EREG: variants seen among roughly 807,000 people sequenced by gnomAD.
EREG encodes epiregulin, also known as proepiregulin.
EREG carries 23 observed loss-of-function variants against 22.4 expected under a neutral mutation model. The ratio of observed to expected loss-of-function variants is 1.03; its 90% CI spans 0.74 to 1.46. The LOEUF (loss-of-function observed/expected upper bound fraction) is 1.46, where lower values mean the gene tolerates loss of function less well. Ranked by LOEUF, EREG falls within the 40% of genes most tolerant of loss-of-function variation. EREG has a pLI of 0.00. For synonymous variants in EREG, 100 were observed against 75.4 expected, an observed-to-expected ratio of 1.33 and a Z score of -1.69; for missense variants, 226 against 205.9, an observed-to-expected ratio of 1.10 and a Z score of -0.60.
chr4:74,370,626 T>A (rs10004189), intron 1 of EREG, among the ~76,000 whole-genome samples: 123,815 of 149,684 alleles, frequency 0.83, 51,369 homozygotes, highest in African/African-American at 0.87. Context: ...TGTGTGTGTG[T>A]GAGAGAGAGA....
intron 1 of EREG, among the ~76,000 whole-genome samples, chr4:74,378,627 G>C (rs1367291919): frequency 6.6e-6 from 1 of 152,138 alleles, no homozygotes; most frequent in African/African-American, 2.4e-5. Context: ...AAATTGGAAA[G>C]AGTGTTTGAA....
chr4:74,381,133 T>C lies in EREG; in HGVS notation c.274T>C (p.Cys92Arg), dbSNP rs767878864. ...TCTGGTGGACATGAGTCAAAACTAC[T>C]GCAGGTAATATGTCAGAAATAAACA... Reference protein sequence around the residue: ...IYLVDMSQNYCRCEVGYTGVR... With the variant: ...IYLVDMSQNYRRCEVGYTGVR... Residue 92 changes from cysteine (C) to arginine (R), a missense_variant, in exon 3 of 5, where the codon TGC becomes CGC. Coordinates refer to ENST00000244869, the MANE Select transcript of EREG (RefSeq NM_001432.3). The C allele has an allele frequency of 6.2e-7, 1 of 1,610,892 alleles. No individual in the cohort carries two copies.
Position 74,373,009 on chromosome 4 carries a change from G to A in EREG, c.68-6439G>A, listed in dbSNP as rs1027982026. Among the ~76,000 whole-genome samples, 37 of 97,146 alleles carry A rather than the reference G, an allele frequency of 3.8e-4. 1 individual carries two copies. The highest frequency in any genetic ancestry group is 2.8e-3 in the Admixed American group (24 of 8,720). The allele number at this position is 97,146 out of a possible 152,430, so 63.7% of individuals were successfully genotyped here. A position where few individuals can be genotyped will look rare whatever the true frequency, so the allele number is the denominator to read the frequency against. Reference sequence around the variant, plus strand: ...TTTTTTTTTTTTTTTTGGTATTTTGGTTTCACCATGTTGGCCAGGATGGTC... The same window carrying A: ...TTTTTTTTTTTTTTTTGGTATTTTGATTTCACCATGTTGGCCAGGATGGTC... On this transcript the variant is annotated intron_variant, in intron 1 of 4. Coordinates refer to ENST00000244869, the MANE Select transcript of EREG (RefSeq NM_001432.3).
chr4:74,383,009 CTGT>C (rs1002847153), intron 4 of EREG, among the ~76,000 whole-genome samples: 49 of 152,286 alleles, frequency 3.2e-4, no homozygotes, highest in African/African-American at 1.2e-3. Context: ...ACAATATATC[CTGT>C]TAAGAAACCT....
chr4:74,373,859 T>G (rs1400743078), intron 1 of EREG, among the ~76,000 whole-genome samples: 1 of 152,078 alleles, frequency 6.6e-6, no homozygotes, highest in Admixed American at 6.6e-5. Context: ...GTTTTAGAGT[T>G]ATTTTGACCA....
chr4:74,382,014 T>C (rs1317245238), intron 3 of EREG: 1 of 60,160 alleles, frequency 1.7e-5, no homozygotes, highest in Non-Finnish European at 3.6e-5. Context: ...AAAAAAAGAA[T>C]TGATTCCAGG....
intron 3 of EREG, 82 bp from the exon 4 acceptor site, chr4:74,382,563 T>A: frequency 3.6e-6 from 4 of 1,104,918 alleles, no homozygotes; most frequent in Non-Finnish European, 5.2e-6. Flanking sequence ...TACAGTGTGA[T>A]GTTAGTCCTT....
In EREG at chr4:74,388,277, C is replaced by G. The variant is rs1464720225; in HGVS notation, c.*3469C>G. ...TAATTTGATGCCCAATATATTCTGA[C>G]CGTTAAAAAATTCTTGTTCATATGG... On this transcript the variant is annotated 3_prime_UTR_variant, in exon 5 of 5. Coordinates refer to ENST00000244869, the MANE Select transcript of EREG (RefSeq NM_001432.3). 6.6e-6 allele frequency: 1 copy of G among 151,988 alleles called. No homozygotes were observed. Among genetic ancestry groups the G allele is most frequent in the East Asian group, 1.9e-4 (1 of 5,198 alleles). 9.4% of individuals were successfully genotyped at this position (151,988 alleles called of 1,614,324 possible).
chr4:74,375,638 A>C (rs1752369312), intron 1 of EREG, among the ~76,000 whole-genome samples: 1 of 152,026 alleles, frequency 6.6e-6, no homozygotes, highest in Admixed American at 6.5e-5. Flanking sequence ...CTGACCAGCG[A>C]TTCTTAAGGT....
chr4:74,380,347 A>G (rs1191497035), intron 2 of EREG, among the ~76,000 whole-genome samples: 2 of 151,954 alleles, frequency 1.3e-5, no homozygotes, highest in African/African-American at 4.8e-5. Context: ...TTTTATAAGC[A>G]TCTTTCACAT....
At chr4:74,373,590 A>G (rs1406275110) in intron 1 of EREG, among the ~76,000 whole-genome samples, 1 of 149,536 alleles carries the variant, frequency 6.7e-6, no homozygotes, top group African/African-American at 2.4e-5. Flanking sequence ...TTAGTTTTCT[A>G]TAGATTTATA....
intron 1 of EREG, among the ~76,000 whole-genome samples, chr4:74,365,739 C>T (rs1291183409): frequency 2.1e-5 from 3 of 142,890 alleles, no homozygotes; most frequent in African/African-American, 5.3e-5. Flanking sequence ...CATTTCATGT[C>T]TTGTTCCTTT....
chr4:74,381,291 A>T, intron 3 of EREG, 154 bp downstream of exon 3: 1 of 622,362 alleles, frequency 1.6e-6, no homozygotes. Context: ...GGAACCCATT[A>T]GGTAATTTTT....
intron 1 of EREG, 121 bp from the exon 2 acceptor site, chr4:74,379,327 T>G: frequency 1.6e-6 from 1 of 620,910 alleles, no homozygotes; most frequent in Non-Finnish European, 2.9e-6. Context: ...TGTTTTATGG[T>G]TTTGATGGAC....
In EREG at chr4:74,388,031, T is replaced by TA. The variant is rs1333241645; in HGVS notation, c.*3224dup. On this transcript the variant is annotated 3_prime_UTR_variant, in exon 5 of 5. Coordinates refer to ENST00000244869, the MANE Select transcript of EREG (RefSeq NM_001432.3). ...AGTCAAAGTGATGGGAGAATTGGTA[T>TA]ACTGGTATGACTACGTCTTAAGTCA... is the stretch of plus-strand genomic sequence containing the variant. 6.6e-6 allele frequency: 1 copy of TA among 152,234 alleles called. No homozygotes were observed. 9.4% of individuals were successfully genotyped at this position (152,234 alleles called of 1,614,324 possible). A position where few individuals can be genotyped will look rare whatever the true frequency, so the allele number is the denominator to read the frequency against.
chr4:74,371,179 C>G (rs1328431130), intron 1 of EREG, among the ~76,000 whole-genome samples: 1 of 152,060 alleles, frequency 6.6e-6, no homozygotes. Context: ...TGGTTTAGAA[C>G]CAATAACATA....
At chr4:74,381,521 C>G (rs1011484828) in intron 3 of EREG, 1 of 153,504 alleles carries the variant, frequency 6.5e-6, no homozygotes, top group African/African-American at 2.4e-5. Flanking sequence ...AGAAACTTTT[C>G]TGAGTTTTTA....
intron 1 of EREG, among the ~76,000 whole-genome samples, 159 bp from the exon 2 acceptor site, chr4:74,379,289 G>A (rs1257628732): frequency 6.6e-6 from 1 of 152,090 alleles, no homozygotes; most frequent in African/African-American, 2.4e-5. Flanking sequence ...TGTATTTTCT[G>A]TTACATGCCT....
chr4:74,382,804 T>A lies in EREG; in HGVS notation c.428+10T>A, dbSNP rs989963872. 1.2e-6 allele frequency: 2 copies of A among 1,606,228 alleles called. No individual in the cohort carries two copies. The highest frequency in any genetic ancestry group is 4.5e-5 in the East Asian group (2 of 44,840). On this transcript the variant is annotated intron_variant, in intron 4 of 4. Transcript: ENST00000244869. ...ATTATTTCTGCAGATGGTAAGTCAG[T>A]GTGGTTTTATACTCTGCTTTTACAA...
Sources: gnomAD v4.1 joint callset for allele counts (sites outside exome capture counted in the v4.1 genomes callset) on GRCh38, gnomAD v4.1.1 for gene constraint, MANE v1.5 for transcripts, NCBI Gene and HGNC (gene_info 2026-07-23, HGNC 2026-07-21) for gene names.